Variants in FCN3 observed in about 807,000 individuals in gnomAD.
FCN3 encodes the protein ficolin 3.
Under a neutral mutation model 31.5 loss-of-function variants are expected in FCN3, and 28 were observed. The ratio of observed to expected loss-of-function variants is 0.89; its 90% CI spans 0.66 to 1.22. The LOEUF (loss-of-function observed/expected upper bound fraction) is 1.22, where lower values mean the gene tolerates loss of function less well. Ranked by LOEUF, FCN3 falls within the 50% of genes most tolerant of loss-of-function variation. FCN3 has a pLI of 0.00. For synonymous variants in FCN3, 124 were observed against 147.4 expected, an observed-to-expected ratio of 0.84 and a Z score of 1.15; for missense variants, 351 against 386.8, an observed-to-expected ratio of 0.91 and a Z score of 0.78.
chr1:27,374,637 C>T (rs2016214389), intron 1 of FCN3, 91 bp downstream of exon 1: 3 of 843,464 alleles, frequency 3.6e-6, no homozygotes, highest in Non-Finnish European at 5.4e-6. Context: ...AAACTCCCAC[C>T]CTGCTCCTTG....
chr1:27,371,765 A>G (rs1443006467), intron 5 of FCN3, among the ~76,000 whole-genome samples: 2 of 151,278 alleles, frequency 1.3e-5, no homozygotes, highest in African/African-American at 4.9e-5. Flanking sequence ...TATTTTATTT[A>G]TTTATTTTTT....
At chr1:27,374,541 T>C (rs1428763237) in intron 1 of FCN3, 90 bp from the exon 2 acceptor site, 5 of 930,090 alleles carry the variant, frequency 5.4e-6, no homozygotes, top group South Asian at 1.5e-5. Flanking sequence ...AGATTCCCAC[T>C]GTCAGGATGC....
chr1:27,373,895 A>C, intron 3 of FCN3, 70 bp downstream of exon 3: 20 of 1,335,900 alleles, frequency 1.5e-5, no homozygotes, highest in South Asian at 2.4e-5. Context: ...GCAGCCAAGC[A>C]GAGATCCCAC....
Position 27,369,319 on chromosome 1 carries a change from C to T in FCN3, c.817G>A (p.Ala273Thr). 2 of 1,614,228 alleles carry T rather than the reference C, an allele frequency of 1.2e-6. No individual in the cohort carries two copies. Among genetic ancestry groups the T allele is most frequent in the Non-Finnish European group, 1.7e-6 (2 of 1,180,026 alleles). ...CAGTCAATGCCATATTTGTGGGCGG[C>T]AGCCTCAGACACTGCATAGCGACCA... The part of the protein sequence containing the change: ...LNGRYAVSEA[A>T]AHKYGIDWAS... The change falls in exon 8 of 8, where the codon GCC becomes ACC. Residue 273 changes from alanine to threonine, a missense_variant. Physicochemically the swap from Ala to Thr is moderately conservative, Grantham distance 58. Coordinates refer to ENST00000270879, the MANE Select transcript of FCN3 (RefSeq NM_003665.4).
chr1:27,373,677 TCTC>T, intron 3 of FCN3, 157 bp from the exon 4 acceptor site: 2 of 779,498 alleles, frequency 2.6e-6, no homozygotes, highest in Admixed American at 4.3e-5. Flanking sequence ...CCCAGGCCCT[TCTC>T]CTAATCCTCT....
intron 3 of FCN3, 172 bp downstream of exon 3, chr1:27,373,793 G>C (rs922192774): frequency 1.5e-6 from 1 of 687,496 alleles, no homozygotes; most frequent in Non-Finnish European, 2.5e-6. Flanking sequence ...TCCCCAATAG[G>C]AGGGCCATCA....
chr1:27,370,748 C>A lies in FCN3; in HGVS notation c.524-18G>T. ...CCAGTTACCTGGAAAGAAGGGGAGG[C>A]AGGGATGGAGGAATCCTCAGTTCTT... On this transcript the variant is annotated intron_variant, in intron 6 of 7. Coordinates refer to ENST00000270879, the MANE Select transcript of FCN3 (RefSeq NM_003665.4). 6.2e-7 allele frequency: 1 copy of A among 1,613,506 alleles called. No individual in the cohort carries two copies. The highest frequency in any genetic ancestry group is 8.5e-7 in the Non-Finnish European group (1 of 1,179,588).
chr1:27,374,636 C>A, intron 1 of FCN3, 92 bp downstream of exon 1: 1 of 838,912 alleles, frequency 1.2e-6, no homozygotes, highest in Non-Finnish European at 1.8e-6. Flanking sequence ...GAAACTCCCA[C>A]CCTGCTCCTT....
chr1:27,373,609 C>G, intron 3 of FCN3, 89 bp from the exon 4 acceptor site: 1 of 1,385,990 alleles, frequency 7.2e-7, no homozygotes, highest in East Asian at 2.4e-5. Context: ...GGCCCTTTTC[C>G]GAATCCTTCC....
chr1:27,374,307 C>T (rs1470994103), intron 2 of FCN3, 49 bp downstream of exon 2: 12 of 1,385,664 alleles, frequency 8.7e-6, no homozygotes, highest in Middle Eastern at 2.1e-4. Context: ...TGCTACTTTC[C>T]TGCCTTCCCC....
intron 5 of FCN3, among the ~76,000 whole-genome samples, chr1:27,372,637 G>A: frequency 6.6e-6 from 1 of 152,146 alleles, no homozygotes; most frequent in Non-Finnish European, 1.5e-5. Context: ...CTCAATCCAT[G>A]TTCCGTCAGT....
chr1:27,372,528 G>A (rs899908353), intron 5 of FCN3, among the ~76,000 whole-genome samples: 9 of 152,178 alleles, frequency 5.9e-5, no homozygotes, highest in Non-Finnish European at 1.0e-4. Context: ...GATTATAGGC[G>A]TGAGCCACCA....
intron 5 of FCN3, among the ~76,000 whole-genome samples, chr1:27,372,230 T>C (rs572390843): frequency 1.9e-4 from 29 of 151,530 alleles, no homozygotes; most frequent in Non-Finnish European, 4.0e-4. Context: ...GGGCTACCCA[T>C]TGCCCTGCAC....
intron 5 of FCN3, among the ~76,000 whole-genome samples, chr1:27,372,555 G>A (rs535063834): frequency 3.9e-5 from 6 of 152,182 alleles, no homozygotes; most frequent in South Asian, 4.2e-4. Context: ...GCCAACCACC[G>A]CGTCTGGGCG....
chr1:27,372,247 C>CT lies in FCN3; in HGVS notation c.393+888dup, dbSNP rs559771616. Reference sequence around the variant, plus strand: ...GCTACCCATTGCCCTGCACACTCTTCTTTTTTTTTTTTTTTTTTAAGACAG... The same window carrying CT: ...GCTACCCATTGCCCTGCACACTCTTCTTTTTTTTTTTTTTTTTTTAAGACAG... On this transcript the variant is annotated intron_variant, in intron 5 of 7. Transcript: ENST00000270879. Among the ~76,000 whole-genome samples, 768 of 136,370 alleles carry CT rather than the reference C, an allele frequency of 5.6e-3. 13 individuals carry two copies. The highest frequency in any genetic ancestry group is 0.014 in the African/African-American group (516 of 37,338). The allele number at this position is 136,370 out of a possible 152,430, so 89.5% of individuals were successfully genotyped here.
At chr1:27,370,997 T>TATTA in intron 5 of FCN3, 25 bp from the exon 6 acceptor site, 1 of 1,608,682 alleles carries the variant, frequency 6.2e-7, no homozygotes, top group East Asian at 2.2e-5. Flanking sequence ...GCACAGCAGC[T>TATTA]ATTACTCCAG....
intron 7 of FCN3, among the ~76,000 whole-genome samples, chr1:27,370,081 G>A (rs971836488): frequency 4.7e-5 from 7 of 150,000 alleles, no homozygotes; most frequent in Non-Finnish European, 7.4e-5. Flanking sequence ...CTCTTGGCTC[G>A]CTGCAACCTC....
chr1:27,373,268 G>T lies in FCN3; in HGVS notation c.266-5C>A. On this transcript the variant is annotated splice_region_variant and splice_polypyrimidine_tract_variant and intron_variant, in intron 4 of 7. Coordinates refer to ENST00000270879, the MANE Select transcript of FCN3 (RefSeq NM_003665.4). ...GCTCCCGGCAGTTTCTGGGGCCTGG[G>T]AAAGGGGAGATGGACTGGGGTGGTG... is the stretch of plus-strand genomic sequence containing the variant. 2 of 1,614,084 alleles carry T rather than the reference G, an allele frequency of 1.2e-6. No individual in the cohort carries two copies.
rs756772261 is a variant in FCN3 at position 27,374,766 on chromosome 1, G to C, written c.53C>G (p.Pro18Arg). ...GTGTTCCTGGGTCTTCAGGCAGGCAGGCCCCCCAAGCAGGAGAAGCCACAG... is the reference window on the plus strand; with the variant it reads ...GTGTTCCTGGGTCTTCAGGCAGGCACGCCCCCCAAGCAGGAGAAGCCACAG... ...PSLWLLLLGG[P>R]ACLKTQEHPS... Residue 18 changes from proline (P) to arginine (R), a missense_variant, in exon 1 of 8, where the codon CCT becomes CGT. Transcript: ENST00000270879. The C allele has an allele frequency of 7.2e-7, 1 of 1,389,130 alleles. No homozygotes were observed. The highest frequency in any genetic ancestry group is 2.8e-5 in the Admixed American group (1 of 35,622). The allele number at this position is 1,389,130 out of a possible 1,614,324, so 86.1% of individuals were successfully genotyped here. A position where few individuals can be genotyped will look rare whatever the true frequency, so the allele number is the denominator to read the frequency against.
Sources: gnomAD v4.1 joint callset for allele counts (sites outside exome capture counted in the v4.1 genomes callset) on GRCh38, gnomAD v4.1.1 for gene constraint, MANE v1.5 for transcripts, NCBI Gene and HGNC (gene_info 2026-07-23, HGNC 2026-07-21) for gene names.